Variants in USB1 observed in about 807,000 individuals in gnomAD.
USB1 encodes the protein U6 snRNA phosphodiesterase 1.
USB1 carries 21 observed loss-of-function variants against 29.9 expected under a neutral mutation model. That is an observed-to-expected ratio of 0.70 (90% CI 0.50 to 1.01). USB1 has a LOEUF of 1.01. Among genes scored for constraint, USB1 ranks in the 50% least tolerant of loss-of-function variants. The pLI, the probability that USB1 is intolerant of heterozygous loss-of-function variation, is 0.00. For missense variants in USB1, 330 were observed against 347.1 expected, an observed-to-expected ratio of 0.95 and a Z score of 0.39; for synonymous variants, 143 against 134.9, an observed-to-expected ratio of 1.06 and a Z score of -0.42.
chr16:58,004,049 CTA>C (rs1387819017), intron 2 of USB1, among the ~76,000 whole-genome samples: 1 of 152,150 alleles, frequency 6.6e-6, no homozygotes, highest in African/African-American at 2.4e-5. Flanking sequence ...CATTTTTCTC[CTA>C]TGTTATCTTT....
chr16:58,010,254 C>A, intron 3 of USB1, 142 bp downstream of exon 3: 1 of 976,980 alleles, frequency 1.0e-6, no homozygotes, highest in Non-Finnish European at 1.5e-6. Flanking sequence ...GCCTGCTCTA[C>A]TTCTCATCCT....
At chr16:58,002,360 A>G in intron 1 of USB1, 119 bp from the exon 2 acceptor site, 1 of 1,475,882 alleles carries the variant, frequency 6.8e-7, no homozygotes, top group South Asian at 1.1e-5. Context: ...TTCCAGCACC[A>G]GGCTGGAAAC....
intron 5 of USB1, among the ~76,000 whole-genome samples, chr16:58,017,899 C>T (rs1308203621): frequency 1.3e-5 from 2 of 152,058 alleles, no homozygotes; most frequent in African/African-American, 4.8e-5. Flanking sequence ...GTTTTTAAAC[C>T]GTGCTGAGGG....
chr16:58,020,918 G>A lies in USB1; in HGVS notation c.*673G>A, dbSNP rs577377913. 4 of 158,530 alleles carry A rather than the reference G, an allele frequency of 2.5e-5. No individual in the cohort carries two copies. The highest frequency in any genetic ancestry group is 1.7e-4 in the South Asian group (1 of 5,718). 9.8% of individuals were successfully genotyped at this position (158,530 alleles called of 1,614,324 possible). A position where few individuals can be genotyped will look rare whatever the true frequency, so the allele number is the denominator to read the frequency against. ...CAAAGAAAATATTGGGGTCACTGGC[G>A]AGCCCACCCACACTCACCAGAATCT... On this transcript the variant is annotated 3_prime_UTR_variant, in exon 7 of 7. Transcript: ENST00000219281.
chr16:58,003,894 G>A (rs1254260650), intron 2 of USB1, among the ~76,000 whole-genome samples: 1 of 151,996 alleles, frequency 6.6e-6, no homozygotes, highest in Non-Finnish European at 1.5e-5. Context: ...CCAGCCAGTC[G>A]CTTGTCTTTT....
chr16:58,020,604 CCT>C lies in USB1; in HGVS notation c.*360_*361del, dbSNP rs1465394148. ...CTCTTCCTCTCCTCTCTCTACCCCT[CCT>C]GTCTCTCCTCCCCTCCTCTCTCTTC... On this transcript the variant is annotated 3_prime_UTR_variant, in exon 7 of 7. Transcript: ENST00000219281. 4.3e-5 allele frequency: 15 copies of C among 345,876 alleles called. No homozygotes were observed. The highest frequency in any genetic ancestry group is 2.7e-4 in the African/African-American group (12 of 44,812). 21.4% of individuals were successfully genotyped at this position (345,876 alleles called of 1,614,324 possible).
At chr16:58,011,132 G>A in intron 3 of USB1, 2 of 1,301,732 alleles carry the variant, frequency 1.5e-6, no homozygotes, top group Non-Finnish European at 1.1e-6. Flanking sequence ...CCAGATAATA[G>A]AACAAAAGAT....
intron 3 of USB1, chr16:58,011,490 C>G (rs1291050535): frequency 4.6e-5 from 47 of 1,016,600 alleles, no homozygotes; most frequent in Non-Finnish European, 5.5e-5. Flanking sequence ...TGCTCTTTCA[C>G]TGAGGCTCTC....
upstream of USB1, chr16:58,001,353 C>A: frequency 9.4e-7 from 1 of 1,060,204 alleles, no homozygotes. Flanking sequence ...GGGTTCCGCC[C>A]CTCCCGGCTC....
At chr16:58,014,560 A>G (rs574969038) in intron 4 of USB1, among the ~76,000 whole-genome samples, 8 of 152,360 alleles carry the variant, frequency 5.3e-5, no homozygotes, top group African/African-American at 1.9e-4. Flanking sequence ...AAGCAGGTGG[A>G]TAGCTTGAGC....
At position 58,013,522 on chromosome 16, in the gene USB1, CAG is replaced by C. The variant is rs1326965728; in HGVS notation, c.450-747_450-746del. The C allele has an allele frequency of 1.0e-6, 1 of 965,454 alleles. No individual in the cohort carries two copies. The highest frequency in any genetic ancestry group is 1.2e-6 in the Non-Finnish European group (1 of 827,958). 59.8% of individuals were successfully genotyped at this position (965,454 alleles called of 1,614,324 possible). On this transcript the variant is annotated intron_variant, in intron 3 of 6. Transcript: ENST00000219281. This position sits in a 1 kb window ranked among gnomAD's most constrained non-coding sequence, Gnocchi z 4.3. Reference sequence around the variant, plus strand: ...TTCCATGGTGAGATTGCTAGTGTCTCAGAGAATAAAGGACAGAACCAGTCCAA... The same window carrying C: ...TTCCATGGTGAGATTGCTAGTGTCTCAGAATAAAGGACAGAACCAGTCCAA...
Position 58,001,482 on chromosome 16 carries a change from C to T in USB1, c.-2C>T. On this transcript the variant is annotated 5_prime_UTR_variant, in exon 1 of 7. Transcript: ENST00000219281. ...TGCTCTGGTGGTCTTGGATGAGGCC[C>T]CATGAGCGCGGCGCCCCTGGTGGGC... is the stretch of plus-strand genomic sequence containing the variant. 2 of 1,597,432 alleles carry T rather than the reference C, an allele frequency of 1.3e-6. No individual in the cohort carries two copies. Among genetic ancestry groups the T allele is most frequent in the Non-Finnish European group, 1.7e-6 (2 of 1,172,778 alleles).
At chr16:58,012,438 G>A (rs1273448275) in intron 3 of USB1, 2 of 1,241,072 alleles carry the variant, frequency 1.6e-6, no homozygotes, top group Admixed American at 2.0e-5. Context: ...AGTGGACCGG[G>A]GTGACAAGAT....
chr16:58,011,039 C>G (rs1963482540), intron 3 of USB1: 2 of 730,576 alleles, frequency 2.7e-6, no homozygotes, highest in South Asian at 2.9e-5. Flanking sequence ...GACCTCATTG[C>G]CTCATTGGAA....
upstream of USB1, chr16:58,000,532 G>T (rs2142286612): frequency 6.7e-6 from 1 of 150,146 alleles, no homozygotes; most frequent in East Asian, 1.9e-4. This position sits in a 1 kb window ranked among gnomAD's most constrained non-coding sequence, Gnocchi z 4.5. Context: ...CTCGCGTAGC[G>T]GCTGCGGCCG....
At chr16:58,011,398 T>C (rs1319350308) in intron 3 of USB1, 1 of 1,189,530 alleles carries the variant, frequency 8.4e-7, no homozygotes, top group Non-Finnish European at 1.0e-6. Context: ...GGCTTTTTTT[T>C]TCCCCTTACC....
chr16:58,016,665 C>CA (rs1295459253), intron 4 of USB1: 1 of 155,926 alleles, frequency 6.4e-6, no homozygotes, highest in African/African-American at 2.4e-5. Flanking sequence ...AAAAGGGTTT[C>CA]AAGGAGGGAA....
intron 3 of USB1, 191 bp downstream of exon 3, chr16:58,010,303 CT>C (rs1963464088): frequency 4.6e-6 from 3 of 652,504 alleles, no homozygotes; most frequent in South Asian, 3.7e-5. Flanking sequence ...CTTGACACCC[CT>C]GATGCCGTAT....
At position 58,002,504 on chromosome 16, in the gene USB1, A is replaced by T. The variant is rs756702350; in HGVS notation, c.124A>T (p.Arg42Ter). 6.2e-7 allele frequency: 1 copy of T among 1,614,062 alleles called. No individual in the cohort carries two copies. Among genetic ancestry groups the T allele is most frequent in the South Asian group, 1.1e-5 (1 of 91,086 alleles). Residue 42 changes from arginine (R) to a stop codon, truncating the protein, a stop_gained, in exon 2 of 7, where the codon AGA becomes TGA. Transcript: ENST00000219281. LOFTEE classifies it high-confidence loss of function. ...RRGQSPLPRQ[R>*]FPVPDSVLNM... ...TGGCCAGAGCCCCCTTCCCAGGCAGAGATTTCCAGTACCTGACAGTGTGCT... is the reference window on the plus strand; with the variant it reads ...TGGCCAGAGCCCCCTTCCCAGGCAGTGATTTCCAGTACCTGACAGTGTGCT...
Sources: allele counts gnomAD v4.1 joint callset (sites outside exome capture counted in the v4.1 genomes callset), GRCh38; gene constraint gnomAD v4.1.1; non-coding constraint Gnocchi (gnomAD v3.1); transcripts MANE v1.5; gene names NCBI Gene and HGNC (gene_info 2026-07-23, HGNC 2026-07-21).